CEP63: variants seen among roughly 807,000 people sequenced by gnomAD.
CEP63 encodes centrosomal protein of 63 kDa.
A neutral mutation model predicts 89.1 loss-of-function variants in CEP63; 84 were observed. The ratio of observed to expected loss-of-function variants is 0.94; its 90% confidence interval spans 0.79 to 1.13. The LOEUF is 1.13. CEP63 is among the 50% of genes most tolerant of loss of function. CEP63 has a pLI of 0.00. For synonymous variants in CEP63, 267 were observed against 272.5 expected, an observed-to-expected ratio of 0.98 and a Z score of 0.20; for missense variants, 838 against 813.3, an observed-to-expected ratio of 1.03 and a Z score of -0.37.
intron 11 of CEP63, among the ~76,000 whole-genome samples, chr3:134,570,651 C>T (rs1245437852): frequency 6.6e-6 from 1 of 152,216 alleles, no homozygotes; most frequent in Non-Finnish European, 1.5e-5. Context: ...TCTTCTGAGC[C>T]CTCCAAGCTG....
At chr3:134,627,883 A>T in the CEP63 span, 1 of 1,285,504 alleles carries the variant, frequency 7.8e-7, no homozygotes, top group South Asian at 1.2e-5. Flanking sequence ...AGCACTGATG[A>T]CTCACCTTCT....
intron 3 of CEP63, among the ~76,000 whole-genome samples, chr3:134,529,339 C>T (rs1442503440): frequency 3.4e-5 from 4 of 116,924 alleles, no homozygotes; most frequent in African/African-American, 6.6e-5. Flanking sequence ...TCCCCATTGA[C>T]TTTTTTTTTT....
the CEP63 span, among the ~76,000 whole-genome samples, chr3:134,677,392 G>GTCCT: frequency 2.0e-5 from 3 of 152,120 alleles, no homozygotes; most frequent in Admixed American, 2.0e-4. Flanking sequence ...CTTCTTCTGG[G>GTCCT]TCCTGCCCCA....
intron 3 of CEP63, among the ~76,000 whole-genome samples, chr3:134,516,255 A>G (rs1208942842): frequency 6.6e-6 from 1 of 152,230 alleles, no homozygotes; most frequent in East Asian, 1.9e-4. Flanking sequence ...AGATATGCAT[A>G]CACATAAACA....
At chr3:134,541,941 A>G (rs1307807965) in intron 6 of CEP63, among the ~76,000 whole-genome samples, 2 of 152,208 alleles carry the variant, frequency 1.3e-5, no homozygotes, top group African/African-American at 4.8e-5. Context: ...GTTATATAGT[A>G]TAGGAAAAGG....
At chr3:134,610,341 C>G in the CEP63 span, 1 of 1,613,718 alleles carries the variant, frequency 6.2e-7, no homozygotes, top group Non-Finnish European at 8.5e-7. Context: ...AGCCGAAACC[C>G]TTGGAGTAGC....
the CEP63 span, among the ~76,000 whole-genome samples, chr3:134,727,908 G>A: frequency 6.6e-6 from 1 of 152,196 alleles, no homozygotes; most frequent in Non-Finnish European, 1.5e-5. Flanking sequence ...TTTCTATGCT[G>A]TAAATCTTCC....
the CEP63 span, among the ~76,000 whole-genome samples, chr3:134,667,692 C>T: frequency 6.6e-6 from 1 of 152,124 alleles, no homozygotes; most frequent in Non-Finnish European, 1.5e-5. Flanking sequence ...GGTGGCTGTG[C>T]CATGCCCAGC....
chr3:134,607,626 G>A, the CEP63 span: 27 of 985,718 alleles, frequency 2.7e-5, no homozygotes, highest in East Asian at 2.8e-3. Context: ...AGAGGCATAA[G>A]AGACAATCTT....
At chr3:134,519,201 G>T (rs975978099) in intron 3 of CEP63, among the ~76,000 whole-genome samples, 42 of 152,014 alleles carry the variant, frequency 2.8e-4, no homozygotes, top group African/African-American at 9.9e-4. Flanking sequence ...TCAGCTCACT[G>T]CAACCTCTGC....
downstream of CEP63, among the ~76,000 whole-genome samples, chr3:134,568,749 G>A (rs140973667): frequency 1.5e-3 from 225 of 152,280 alleles, 1 homozygote; most frequent in African/African-American, 5.2e-3. Flanking sequence ...AATTCCAGAC[G>A]CTTCCCCAGG....
chr3:134,739,716 G>C, the CEP63 span, among the ~76,000 whole-genome samples: 1 of 83,970 alleles, frequency 1.2e-5, no homozygotes, highest in Non-Finnish European at 2.5e-5. Context: ...TTTTTTTTTT[G>C]CTAAGGGACA....
At chr3:134,765,542 A>G in the CEP63 span, among the ~76,000 whole-genome samples, 2 of 152,216 alleles carry the variant, frequency 1.3e-5, no homozygotes. Flanking sequence ...CTAGATATTG[A>G]GACAGAGTAG....
intron 11 of CEP63, among the ~76,000 whole-genome samples, chr3:134,571,417 C>T (rs1043139449): frequency 4.6e-5 from 7 of 152,220 alleles, no homozygotes; most frequent in African/African-American, 1.4e-4. Flanking sequence ...TGTGGTGGCT[C>T]ACGCCTGTAA....
Position 134,558,259 on chromosome 3 carries a change from A to G in CEP63, c.1585A>G (p.Ile529Val), listed in dbSNP as rs1432575169. The G allele has an allele frequency of 1.2e-6, 2 of 1,613,758 alleles. No homozygotes were observed. The highest frequency in any genetic ancestry group is 1.7e-6 in the Non-Finnish European group (2 of 1,179,828). The change falls in exon 13 of 15, where the codon ATT becomes GTT. Residue 529 changes from isoleucine to valine, a missense_variant. Coordinates refer to ENST00000675561, the MANE Select transcript of CEP63 (RefSeq NM_001353108.3). Reference sequence around the variant, plus strand: ...GATGAATACCAAATCTCAGCTGGAGATTTCTACTCAGATGTGCAAAAAACA... The same window carrying G: ...GATGAATACCAAATCTCAGCTGGAGGTTTCTACTCAGATGTGCAAAAAACA... Reference protein sequence around the residue: ...DLMNTKSQLEISTQMCKKQND... With the variant: ...DLMNTKSQLEVSTQMCKKQND...
At chr3:134,704,459 G>A in the CEP63 span, among the ~76,000 whole-genome samples, 2 of 152,016 alleles carry the variant, frequency 1.3e-5, no homozygotes, top group African/African-American at 4.8e-5. Flanking sequence ...AGGAAGAAGA[G>A]AAGGCAGACA....
the CEP63 span, among the ~76,000 whole-genome samples, chr3:134,765,669 T>C: frequency 6.6e-6 from 1 of 152,040 alleles, no homozygotes; most frequent in African/African-American, 2.4e-5. Flanking sequence ...GTTCAGTACT[T>C]AGTGGGGAGA....
At position 134,564,194 on chromosome 3, in the gene CEP63, CA is replaced by C. The variant is rs1479024884; in HGVS notation, c.*2660del. On this transcript the variant is annotated 3_prime_UTR_variant, in exon 15 of 15. Transcript: ENST00000675561. Reference sequence around the variant, plus strand: ...CTCTGGTTCATGGTGGGATCCTCATCACCCAGCACAAGCCCAACACTTAGGA... The same window carrying C: ...CTCTGGTTCATGGTGGGATCCTCATCCCCAGCACAAGCCCAACACTTAGGA... 4 of 944,370 alleles carry C rather than the reference CA, an allele frequency of 4.2e-6. No individual in the cohort carries two copies. Among genetic ancestry groups the C allele is most frequent in the Non-Finnish European group, 5.0e-6 (4 of 792,624 alleles). The allele number at this position is 944,370 out of a possible 1,614,324, so 58.5% of individuals were successfully genotyped here.
intron 13 of CEP63, among the ~76,000 whole-genome samples, 175 bp from the exon 14 acceptor site, chr3:134,558,975 G>A (rs1378693008): frequency 6.6e-6 from 1 of 152,128 alleles, no homozygotes; most frequent in Admixed American, 6.6e-5. Context: ...AGTTGGAATT[G>A]GATATTTGGG....
Sources: gnomAD v4.1 joint callset for allele counts (sites outside exome capture counted in the v4.1 genomes callset) on GRCh38, gnomAD v4.1.1 for gene constraint, MANE v1.5 for transcripts, NCBI Gene and HGNC (gene_info 2026-07-23, HGNC 2026-07-21) for gene names.